OXSR1: variants seen among roughly 807,000 people sequenced by gnomAD.
OXSR1 encodes the protein serine/threonine-protein kinase OSR1.
In OXSR1, 24 loss-of-function variants were observed where a neutral mutation model predicts 79.8. That is an observed-to-expected ratio of 0.30 (90% CI 0.22 to 0.42). The LOEUF is 0.42. OXSR1 is among the 10% of genes least tolerant of loss of function. The pLI is 1.00. For synonymous variants in OXSR1, 226 were observed against 209.2 expected, an observed-to-expected ratio of 1.08 and a Z score of -0.69; for missense variants, 430 against 618.4, an observed-to-expected ratio of 0.70 and a Z score of 3.23.
chr3:38,219,683 A>G (rs1360665576), intron 5 of OXSR1, among the ~76,000 whole-genome samples: 38 of 152,114 alleles, frequency 2.5e-4, no homozygotes, highest in Non-Finnish European at 5.4e-4. Context: ...TCCCCTTCAT[A>G]TGCACTTCAA....
At chr3:38,178,620 A>ATATTTTTT (rs1265646743) in intron 1 of OXSR1, among the ~76,000 whole-genome samples, 1 of 95,126 alleles carries the variant, frequency 1.1e-5, no homozygotes, top group Non-Finnish European at 2.0e-5. Context: ...ATATATATAT[A>ATATTTTTT]TTTTTTTTTT....
At chr3:38,230,169 T>G (rs1702775394) in intron 9 of OXSR1, among the ~76,000 whole-genome samples, 196 bp from the exon 10 acceptor site, 1 of 152,192 alleles carries the variant, frequency 6.6e-6, no homozygotes, top group African/African-American at 2.4e-5. Context: ...TACTACATCT[T>G]AATTTTCTGC....
At chr3:38,185,814 A>G (rs1701874208) in intron 2 of OXSR1, among the ~76,000 whole-genome samples, 1 of 151,698 alleles carries the variant, frequency 6.6e-6, no homozygotes, top group African/African-American at 2.4e-5. Flanking sequence ...GCATGGTGGT[A>G]TGCACCTGTT....
intron 3 of OXSR1, among the ~76,000 whole-genome samples, chr3:38,192,327 A>C (rs1256885736): frequency 6.6e-6 from 1 of 152,024 alleles, no homozygotes; most frequent in African/African-American, 2.4e-5. Context: ...ATTTGTATTC[A>C]TTTTCCCAGA....
At chr3:38,237,551 G>A (rs936181950) in intron 11 of OXSR1, among the ~76,000 whole-genome samples, 4 of 152,158 alleles carry the variant, frequency 2.6e-5, no homozygotes, top group Non-Finnish European at 5.9e-5. Context: ...GACTGCTTAG[G>A]ACTGTTTTTG....
chr3:38,229,606 T>G, intron 8 of OXSR1, 81 bp from the exon 9 acceptor site: 1 of 1,232,150 alleles, frequency 8.1e-7, no homozygotes, highest in Non-Finnish European at 1.2e-6. Context: ...AAAAAAATTT[T>G]TTCTCATTTT....
intron 10 of OXSR1, among the ~76,000 whole-genome samples, chr3:38,233,876 C>T (rs1702863680): frequency 6.6e-6 from 1 of 151,618 alleles, no homozygotes; most frequent in African/African-American, 2.4e-5. Context: ...CGTGCCACTG[C>T]ACTTCAGCCT....
chr3:38,193,253 G>A, intron 3 of OXSR1: 3 of 1,288,940 alleles, frequency 2.3e-6, no homozygotes, highest in Non-Finnish European at 3.0e-6. Flanking sequence ...AGTGTAGCCA[G>A]AATCACCTTT....
chr3:38,235,201 A>C lies in OXSR1; in HGVS notation c.952-1638A>C, dbSNP rs561774074. Among the ~76,000 whole-genome samples the C allele has an allele frequency of 2.5e-3, 374 of 152,334 alleles. 3 individuals carry two copies. The highest frequency in any genetic ancestry group is 2.9e-3 in the Non-Finnish European group (198 of 68,026). ...CACAACTTTGAATATACTAAAAATC[A>C]TTGAACTGTATACTTTGAGTGGTTC... On this transcript the variant is annotated intron_variant, in intron 10 of 17. Transcript: ENST00000311806.
chr3:38,242,197 A>G (rs1234847170), intron 11 of OXSR1, among the ~76,000 whole-genome samples: 2 of 152,122 alleles, frequency 1.3e-5, no homozygotes, highest in Non-Finnish European at 2.9e-5. Flanking sequence ...CTAGTGGTCC[A>G]TGCTTTATTT....
At chr3:38,201,146 T>TC (rs1702156202) in intron 4 of OXSR1, among the ~76,000 whole-genome samples, 1 of 151,930 alleles carries the variant, frequency 6.6e-6, no homozygotes, top group Non-Finnish European at 1.5e-5. Context: ...GCTCAAGCAT[T>TC]CCTCCCACCT....
At chr3:38,231,775 T>A (rs1172920472) in intron 10 of OXSR1, among the ~76,000 whole-genome samples, 1 of 152,208 alleles carries the variant, frequency 6.6e-6, no homozygotes, top group African/African-American at 2.4e-5. Flanking sequence ...AAATCCCATC[T>A]GAGATACGTG....
chr3:38,222,153 G>A (rs192295019), intron 6 of OXSR1, among the ~76,000 whole-genome samples: 3 of 152,176 alleles, frequency 2.0e-5, no homozygotes, highest in African/African-American at 4.8e-5. Flanking sequence ...GATTCCCACT[G>A]TAAAGTTATG....
intron 1 of OXSR1, among the ~76,000 whole-genome samples, chr3:38,170,011 C>T (rs992983019): frequency 4.6e-5 from 7 of 150,694 alleles, no homozygotes; most frequent in African/African-American, 1.5e-4. Context: ...GGATTACAGG[C>T]GTGAGCCACT....
At chr3:38,186,542 T>A (rs1701889637) in intron 2 of OXSR1, among the ~76,000 whole-genome samples, 1 of 152,214 alleles carries the variant, frequency 6.6e-6, no homozygotes, top group African/African-American at 2.4e-5. Context: ...TCTGGACATT[T>A]CATATAAATA....
intron 3 of OXSR1, among the ~76,000 whole-genome samples, chr3:38,198,418 C>T (rs563055118): frequency 1.3e-5 from 2 of 152,190 alleles, no homozygotes; most frequent in South Asian, 2.1e-4. Flanking sequence ...ATAGTACTGA[C>T]GAGCCTGGTT....
At chr3:38,188,190 A>C (rs1398096018) in intron 2 of OXSR1, among the ~76,000 whole-genome samples, 4 of 152,162 alleles carry the variant, frequency 2.6e-5, no homozygotes, top group Admixed American at 2.0e-4. Flanking sequence ...CCTTAGCTTA[A>C]CATTTAAGAC....
At chr3:38,252,253 A>C in intron 16 of OXSR1, 75 bp from the exon 17 acceptor site, 1 of 1,013,542 alleles carries the variant, frequency 9.9e-7, no homozygotes, top group South Asian at 1.3e-5. Flanking sequence ...ACTACCATTT[A>C]AGCTTTTAAA....
In OXSR1 at chr3:38,185,375, A is replaced by G. The variant is rs1701865430; in HGVS notation, c.183+2260A>G. On this transcript the variant is annotated intron_variant, in intron 2 of 17. Coordinates refer to ENST00000311806, the MANE Select transcript of OXSR1 (RefSeq NM_005109.3). Reference sequence around the variant, plus strand: ...CAAGGCGGGTGGATCACTTGAGCCAAGGAGTTTGAGACCAGCTTGGCCAAC... The same window carrying G: ...CAAGGCGGGTGGATCACTTGAGCCAGGGAGTTTGAGACCAGCTTGGCCAAC... 2.6e-5 allele frequency among the ~76,000 whole-genome samples: 4 copies of G among 152,088 alleles called. No homozygotes were observed. The South Asian group carries it at 6.2e-4, about 24-fold the overall frequency.
Sources: gnomAD v4.1 joint callset for allele counts (sites outside exome capture counted in the v4.1 genomes callset) on GRCh38, gnomAD v4.1.1 for gene constraint, MANE v1.5 for transcripts, NCBI Gene and HGNC (gene_info 2026-07-23, HGNC 2026-07-21) for gene names.